KCNMB4: variants seen among roughly 807,000 people sequenced by gnomAD.
KCNMB4 encodes the protein calcium-activated potassium channel subunit beta-4.
Under a neutral mutation model 20.7 loss-of-function variants are expected in KCNMB4, and 3 were observed. That is an observed-to-expected ratio of 0.14 (90% CI 0.07 to 0.37). The LOEUF (loss-of-function observed/expected upper bound fraction) is 0.37, where lower values mean the gene tolerates loss of function less well. Ranked by LOEUF, KCNMB4 falls within the 10% of genes least tolerant of loss-of-function variation. KCNMB4 has a pLI of 1.00. For missense variants in KCNMB4, 168 were observed against 265.9 expected (o/e 0.63, Z 2.56); for synonymous variants, 110 against 113.4 (o/e 0.97, Z 0.19).
intron 2 of KCNMB4, among the ~76,000 whole-genome samples, chr12:70,405,628 C>T (rs914291355): frequency 1.3e-5 from 2 of 152,192 alleles, no homozygotes; most frequent in Admixed American, 1.3e-4. Context: ...AGCAATCCCA[C>T]TCCTGGGTAT....
chr12:70,377,436 A>G (rs1883706963), intron 1 of KCNMB4, among the ~76,000 whole-genome samples: 1 of 152,214 alleles, frequency 6.6e-6, no homozygotes, highest in Non-Finnish European at 1.5e-5. Flanking sequence ...TAATTTAAAA[A>G]TATTTTATTA....
At chr12:70,419,115 T>C (rs1408341137) in intron 2 of KCNMB4, among the ~76,000 whole-genome samples, 1 of 152,210 alleles carries the variant, frequency 6.6e-6, no homozygotes, top group African/African-American at 2.4e-5. Context: ...AGACATGCTA[T>C]ATCACAGCAA....
At chr12:70,407,708 C>T (rs1377156813) in intron 2 of KCNMB4, among the ~76,000 whole-genome samples, 1 of 151,688 alleles carries the variant, frequency 6.6e-6, no homozygotes, top group African/African-American at 2.4e-5. Flanking sequence ...ACCTCGTGAT[C>T]CGCCCGCCTC....
In KCNMB4 at chr12:70,430,641, C is replaced by G; in HGVS notation, c.621C>G (p.Arg207=). 1 of 1,609,066 alleles carries G rather than the reference C, an allele frequency of 6.2e-7. No homozygotes were observed. The highest frequency in any genetic ancestry group is 8.5e-7 in the Non-Finnish European group (1 of 1,178,758). ...TCAAGGCGGAAGCCATGAAGAAGCG[C>G]AAGTTCTCTTAAAGGGGAAGGAGGC... is the stretch of plus-strand genomic sequence containing the variant. ...LAVKAEAMKK[R]KFS Residue 207 remains arginine, a synonymous_variant, in exon 3 of 3, where the codon CGC becomes CGG. Coordinates refer to ENST00000258111, the MANE Select transcript of KCNMB4 (RefSeq NM_014505.6).
intron 2 of KCNMB4, among the ~76,000 whole-genome samples, chr12:70,426,664 T>A (rs1869223009): frequency 6.6e-6 from 1 of 152,236 alleles, no homozygotes; most frequent in Non-Finnish European, 1.5e-5. Flanking sequence ...TTAAATTGTG[T>A]AATCCTGGGG....
intron 1 of KCNMB4, among the ~76,000 whole-genome samples, chr12:70,393,655 A>G (rs1439397295): frequency 6.6e-6 from 1 of 152,254 alleles, no homozygotes; most frequent in African/African-American, 2.4e-5. Context: ...TCCAGATATC[A>G]TATCAACATA....
At chr12:70,418,591 G>A (rs185917287) in intron 2 of KCNMB4, among the ~76,000 whole-genome samples, 1 of 152,290 alleles carries the variant, frequency 6.6e-6, no homozygotes, top group Non-Finnish European at 1.5e-5. Flanking sequence ...TTGAGACAAA[G>A]GCGCGTGCTA....
chr12:70,381,290 GA>G (rs1883781748), intron 1 of KCNMB4, among the ~76,000 whole-genome samples: 1 of 152,110 alleles, frequency 6.6e-6, no homozygotes, highest in African/African-American at 2.4e-5. Context: ...ATGTAAGAAT[GA>G]AAAAGATAAC....
At chr12:70,376,591 G>A (rs1883690232) in intron 1 of KCNMB4, among the ~76,000 whole-genome samples, 1 of 151,926 alleles carries the variant, frequency 6.6e-6, no homozygotes, top group Admixed American at 6.6e-5. Flanking sequence ...ATTCTGGCTG[G>A]GCATGATGTC....
chr12:70,402,856 A>G (rs552265671), intron 2 of KCNMB4, among the ~76,000 whole-genome samples: 39 of 152,274 alleles, frequency 2.6e-4, no homozygotes, highest in African/African-American at 9.1e-4. Flanking sequence ...AGCCAGATGC[A>G]GCAGTGTCCA....
chr12:70,402,495 T>C (rs1197086209), intron 2 of KCNMB4, among the ~76,000 whole-genome samples: 8 of 151,476 alleles, frequency 5.3e-5, no homozygotes, highest in Non-Finnish European at 1.5e-5. Context: ...ATTTTAAAAA[T>C]TAGCCAGGCA....
intron 2 of KCNMB4, among the ~76,000 whole-genome samples, chr12:70,420,359 T>C (rs1369076360): frequency 6.6e-6 from 1 of 152,196 alleles, no homozygotes; most frequent in African/African-American, 2.4e-5. Flanking sequence ...GGGGAAATTA[T>C]ACTGGATTGC....
chr12:70,367,871 AAG>A (rs886100268), intron 1 of KCNMB4, among the ~76,000 whole-genome samples: 5 of 152,144 alleles, frequency 3.3e-5, no homozygotes, highest in Non-Finnish European at 7.4e-5. Flanking sequence ...GAAAAAGAAA[AAG>A]AAAAAAAAAA....
chr12:70,394,741 A>G (rs1356066980), intron 1 of KCNMB4, among the ~76,000 whole-genome samples: 1 of 152,160 alleles, frequency 6.6e-6, no homozygotes, highest in Non-Finnish European at 1.5e-5. Flanking sequence ...ATCACGGCTC[A>G]CTGCAGCCTT....
At position 70,387,372 on chromosome 12, in the gene KCNMB4, C is replaced by T. The variant is rs375419231; in HGVS notation, c.337-12837C>T. Among the ~76,000 whole-genome samples the T allele has an allele frequency of 7.4e-4, 110 of 148,844 alleles. 1 individual carries two copies. Among genetic ancestry groups the T allele is most frequent in the African/African-American group, 2.7e-3 (108 of 40,572 alleles). Reference sequence around the variant, plus strand: ...ATTTTATTTCTTCATTTGTGACTCACTGATTCGTCTTTTTTAAATTTTTTA... The same window carrying T: ...ATTTTATTTCTTCATTTGTGACTCATTGATTCGTCTTTTTTAAATTTTTTA... On this transcript the variant is annotated intron_variant, in intron 1 of 2. Coordinates refer to ENST00000258111, the MANE Select transcript of KCNMB4 (RefSeq NM_014505.6).
intron 2 of KCNMB4, among the ~76,000 whole-genome samples, chr12:70,421,862 T>A (rs554192171): frequency 6.6e-6 from 1 of 150,378 alleles, no homozygotes; most frequent in Non-Finnish European, 1.5e-5. Flanking sequence ...ATTACAGGCG[T>A]GAGCCAGCAT....
chr12:70,397,683 T>G (rs1303779211), intron 1 of KCNMB4, among the ~76,000 whole-genome samples: 3 of 152,226 alleles, frequency 2.0e-5, no homozygotes. Context: ...AATCTTAGGT[T>G]ATCATTTGAG....
intron 1 of KCNMB4, among the ~76,000 whole-genome samples, chr12:70,376,987 G>A (rs1462140151): frequency 6.6e-6 from 1 of 151,932 alleles, no homozygotes; most frequent in Non-Finnish European, 1.5e-5. Flanking sequence ...AGACTACAAA[G>A]CACTGCTGAG....
intron 2 of KCNMB4, among the ~76,000 whole-genome samples, chr12:70,423,728 AC>A (rs1239008966): frequency 2.0e-5 from 3 of 151,678 alleles, no homozygotes; most frequent in African/African-American, 4.9e-5. Context: ...TCCCTCCTCG[AC>A]CTCCCAAAGT....
Sources: allele counts gnomAD v4.1 joint callset (sites outside exome capture counted in the v4.1 genomes callset), GRCh38; gene constraint gnomAD v4.1.1; transcripts MANE v1.5; gene names NCBI Gene and HGNC (gene_info 2026-07-23, HGNC 2026-07-21).